The following PRKN variants were observed in gnomAD, a reference collection of about 807,000 sequenced individuals.
PRKN encodes the protein E3 ubiquitin-protein ligase parkin.
Under a neutral mutation model 59.5 loss-of-function variants are expected in PRKN, and 56 were observed. The observed-to-expected ratio is 0.94, with a 90% CI of 0.76 to 1.18. The LOEUF (loss-of-function observed/expected upper bound fraction) is 1.18. Ranked by LOEUF, PRKN falls within the 50% of genes most tolerant of loss-of-function variation. The pLI is 0.00. For synonymous variants in PRKN, 250 were observed against 222.1 expected (o/e 1.13, Z -1.12); for missense variants, 657 against 596.4 (o/e 1.10, Z -1.06).
intron 6 of PRKN, among the ~76,000 whole-genome samples, chr6:161,854,964 T>G (rs1000305159): frequency 6.6e-6 from 1 of 151,346 alleles, no homozygotes; most frequent in African/African-American, 2.4e-5. Flanking sequence ...GTGCCTGTAG[T>G]CCCAGCTACT....
At chr6:162,719,449 T>C (rs1778849998) in intron 1 of PRKN, among the ~76,000 whole-genome samples, 1 of 152,150 alleles carries the variant, frequency 6.6e-6, no homozygotes, top group African/African-American at 2.4e-5. Context: ...GGGAATATTA[T>C]TCTTAAATCT....
At chr6:161,615,131 A>G (rs1208604295) in intron 7 of PRKN, among the ~76,000 whole-genome samples, 1 of 152,156 alleles carries the variant, frequency 6.6e-6, no homozygotes, top group African/African-American at 2.4e-5. Context: ...CAAAAACTGT[A>G]ATTTCTTTTG....
intron 4 of PRKN, among the ~76,000 whole-genome samples, chr6:162,197,577 G>A (rs1784545680): frequency 6.6e-6 from 1 of 152,108 alleles, no homozygotes; most frequent in South Asian, 2.1e-4. Flanking sequence ...CCAGGGCTAT[G>A]GAAAAATACA....
intron 7 of PRKN, among the ~76,000 whole-genome samples, chr6:161,597,386 G>A (rs1389533396): frequency 6.6e-6 from 1 of 152,172 alleles, no homozygotes; most frequent in Non-Finnish European, 1.5e-5. Flanking sequence ...AGGGCTTATT[G>A]AGTAAGGATT....
chr6:162,031,018 CTAAGATAAGACTGA>C (rs1159107938), intron 5 of PRKN, among the ~76,000 whole-genome samples: 1 of 152,176 alleles, frequency 6.6e-6, no homozygotes, highest in Non-Finnish European at 1.5e-5. Flanking sequence ...ATTTCCTCCT[CTAAGATAAGACTGA>C]GTGGTGAGAG....
At chr6:162,533,717 T>C (rs1243359034) in intron 1 of PRKN, among the ~76,000 whole-genome samples, 1 of 152,012 alleles carries the variant, frequency 6.6e-6, no homozygotes, top group East Asian at 1.9e-4. Flanking sequence ...ACACCTGTAA[T>C]CCCAACACTT....
intron 5 of PRKN, among the ~76,000 whole-genome samples, chr6:162,046,648 A>G (rs925172248): frequency 1.3e-5 from 2 of 152,214 alleles, no homozygotes; most frequent in South Asian, 4.1e-4. Flanking sequence ...AATCTTTAAC[A>G]CTACCATGAA....
chr6:162,294,964 T>C (rs926726992), intron 2 of PRKN, among the ~76,000 whole-genome samples: 2 of 152,188 alleles, frequency 1.3e-5, no homozygotes, highest in African/African-American at 2.4e-5. Context: ...TCACTAACCC[T>C]AGTAACCATA....
intron 9 of PRKN, among the ~76,000 whole-genome samples, chr6:161,490,459 C>T (rs1174081533): frequency 6.8e-6 from 1 of 146,344 alleles, no homozygotes; most frequent in Non-Finnish European, 1.5e-5. Flanking sequence ...ATCTCAATCT[C>T]AGCTCACTGC....
At chr6:162,351,798 C>A (rs562369697) in intron 2 of PRKN, among the ~76,000 whole-genome samples, 142 of 152,098 alleles carry the variant, frequency 9.3e-4, no homozygotes, top group African/African-American at 3.4e-3. Context: ...AGAATCCAGT[C>A]AAAATGTATA....
rs191638086 is a variant in PRKN, at chr6:161,579,134, A to G, written c.872-9718T>C. On this transcript the variant is annotated intron_variant, in intron 7 of 11. Coordinates refer to ENST00000366898, the MANE Select transcript of PRKN (RefSeq NM_004562.3). The surrounding 1 kb of genome is among the most constrained non-coding windows in gnomAD (Gnocchi z 4.2). The stretch of plus-strand genomic sequence containing the variant: ...TTTGTCCTTGGTTGACATCAGAGAA[A>G]GGAAAGGGAGGAAGTGAAGGAGATG... Among the ~76,000 whole-genome samples the G allele has an allele frequency of 4.5e-4, 69 of 152,330 alleles. No homozygotes were observed. The East Asian group carries it at 0.013, about 29-fold the overall frequency.
intron 9 of PRKN, among the ~76,000 whole-genome samples, chr6:161,513,912 A>G (rs1306147819): frequency 6.6e-6 from 1 of 152,076 alleles, no homozygotes; most frequent in African/African-American, 2.4e-5. Flanking sequence ...TACCTTCCTG[A>G]CAGGGTTGTA....
chr6:161,719,897 G>A (rs1360599332), intron 7 of PRKN, among the ~76,000 whole-genome samples: 1 of 152,224 alleles, frequency 6.6e-6, no homozygotes, highest in Non-Finnish European at 1.5e-5. Context: ...CTCCCAAAGT[G>A]CTGGGATTAT....
chr6:161,903,317 C>A (rs1356862862), intron 6 of PRKN, among the ~76,000 whole-genome samples: 1 of 152,166 alleles, frequency 6.6e-6, no homozygotes, highest in Non-Finnish European at 1.5e-5. Flanking sequence ...GCAGCAACTG[C>A]AAAGTGGGCT....
chr6:161,679,682 C>CT (rs1328388757), intron 7 of PRKN, among the ~76,000 whole-genome samples: 2 of 134,288 alleles, frequency 1.5e-5, no homozygotes, highest in Non-Finnish European at 3.2e-5. Context: ...CCACCCCCCC[C>CT]CCTTTTTTTT....
chr6:161,501,113 TCTGC>T (rs1303874958), intron 9 of PRKN, among the ~76,000 whole-genome samples: 1 of 152,154 alleles, frequency 6.6e-6, no homozygotes, highest in East Asian at 1.9e-4. Flanking sequence ...GACCTCGTGA[TCTGC>T]CTGCCTCAAC....
chr6:162,508,092 A>G (rs56125128), intron 1 of PRKN, among the ~76,000 whole-genome samples: 54,464 of 152,064 alleles, frequency 0.36, 10,236 homozygotes, highest in Middle Eastern at 0.4. Flanking sequence ...CATGGCTGGG[A>G]AAGCCTCAGA....
chr6:161,810,976 G>T (rs1054300295), intron 6 of PRKN, among the ~76,000 whole-genome samples: 25 of 152,160 alleles, frequency 1.6e-4, no homozygotes, highest in Middle Eastern at 3.4e-3. Context: ...GGAAGAAAGG[G>T]TACTCCAAGC....
chr6:161,935,382 A>G lies in PRKN; in HGVS notation c.734+37920T>C, dbSNP rs147717697. 6.7e-3 allele frequency among the ~76,000 whole-genome samples: 1,016 copies of G among 151,976 alleles called. 6 individuals are homozygous for G. The highest frequency in any genetic ancestry group is 0.012 in the Non-Finnish European group (808 of 67,950). ...AGCCTTGGCAACATGGTGAAACTCC[A>G]TCTCTACTAAAAATACAAAAAATTA... On this transcript the variant is annotated intron_variant, in intron 6 of 11. Transcript: ENST00000366898.
Sources: allele counts gnomAD v4.1 joint callset (sites outside exome capture counted in the v4.1 genomes callset), GRCh38; gene constraint gnomAD v4.1.1; non-coding constraint Gnocchi (gnomAD v3.1); transcripts MANE v1.5; gene names NCBI Gene and HGNC (gene_info 2026-07-23, HGNC 2026-07-21).